The following DYNC1H1 variants were observed in gnomAD, a reference collection of about 807,000 sequenced individuals.
The protein encoded by DYNC1H1 is dynein cytoplasmic 1 heavy chain 1, also known as cytoplasmic dynein 1 heavy chain 1.
In DYNC1H1, 51 loss-of-function variants were observed where a neutral mutation model predicts 527.1. That is an observed-to-expected ratio of 0.10 (90% CI 0.08 to 0.12). The LOEUF (loss-of-function observed/expected upper bound fraction) is 0.12. Ranked by LOEUF, DYNC1H1 falls within the 10% of genes least tolerant of loss-of-function variation. The pLI is 1.00. For missense variants in DYNC1H1, 2,771 were observed against 5,971.8 expected, an observed-to-expected ratio of 0.46 and a Z score of 17.66; for synonymous variants, 2,189 against 2,278.8, an observed-to-expected ratio of 0.96 and a Z score of 1.12.
chr14:102,011,189 C>G lies in DYNC1H1; in HGVS notation c.6618+237C>G, dbSNP rs1232570691. On this transcript the variant is annotated intron_variant, in intron 32 of 77. Coordinates refer to ENST00000360184, the MANE Select transcript of DYNC1H1 (RefSeq NM_001376.5). The surrounding 1 kb of genome is among the most constrained non-coding windows in gnomAD (Gnocchi z 5.3). The stretch of plus-strand genomic sequence containing the variant: ...TGATACAGTTCAATTTCTGAAAATG[C>G]TAAGTGCATGACTATATTGGAAAGT... 1 of 569,648 alleles carries G rather than the reference C, an allele frequency of 1.8e-6. No homozygotes were observed. The highest frequency in any genetic ancestry group is 3.2e-6 in the Non-Finnish European group (1 of 316,708). The allele number at this position is 569,648 out of a possible 1,614,324, so 35.3% of individuals were successfully genotyped here.
In DYNC1H1 at chr14:102,056,290, C is replaced by G. The variant is rs987379504; in HGVS notation, c.*5727C>G. 12 of 152,226 alleles carry G rather than the reference C, an allele frequency of 7.9e-5. No homozygotes were observed. In the East Asian group the frequency reaches 2.3e-3, roughly 29 times the overall value. 9.4% of individuals were successfully genotyped at this position (152,226 alleles called of 1,614,324 possible). ...AGTGCATGAAACCCCTGTCACGTAT[C>G]CCCCAGACTGCTCAATCAATCACGA... is the stretch of plus-strand genomic sequence containing the variant. On this transcript the variant is annotated 3_prime_UTR_variant, in exon 78 of 78. Coordinates refer to ENST00000360184, the MANE Select transcript of DYNC1H1 (RefSeq NM_001376.5).
At chr14:102,004,404 G>T (rs1006114005) in intron 23 of DYNC1H1, 114 bp from the exon 24 acceptor site, 115 of 1,239,600 alleles carry the variant, frequency 9.3e-5, no homozygotes, top group Non-Finnish European at 1.2e-4. Context: ...TTGGGCTGGA[G>T]ATTGCCACCA....
At chr14:102,030,579 C>T (rs958873643) in intron 51 of DYNC1H1, 9 of 372,562 alleles carry the variant, frequency 2.4e-5, no homozygotes, top group Non-Finnish European at 4.0e-5. Context: ...TTGATAATTA[C>T]GTAAGTATGC....
intron 18 of DYNC1H1, 51 bp from the exon 19 acceptor site, chr14:102,000,903 A>G (rs2048123560): frequency 6.6e-7 from 1 of 1,521,022 alleles, no homozygotes; most frequent in African/African-American, 1.4e-5. Flanking sequence ...ATATTTCACC[A>G]TTTAAAGAAA....
chr14:101,982,036 GAGGCC>G (rs2047871881), intron 5 of DYNC1H1, among the ~76,000 whole-genome samples: 1 of 152,206 alleles, frequency 6.6e-6, no homozygotes, highest in Non-Finnish European at 1.5e-5. Flanking sequence ...TGTGCAGAAG[GAGGCC>G]AGCAGCGGCG....
At chr14:101,990,191 GT>G (rs1281686317) in intron 10 of DYNC1H1, among the ~76,000 whole-genome samples, 3 of 152,196 alleles carry the variant, frequency 2.0e-5, no homozygotes, top group African/African-American at 7.2e-5. Context: ...TGGAATTCTT[GT>G]TGAGTGTAAA....
At chr14:102,047,641 G>GTGTGTGTGTGTGTGTATATATATATA in intron 72 of DYNC1H1, 176 bp from the exon 73 acceptor site, 27 of 316,756 alleles carry the variant, frequency 8.5e-5, no homozygotes, top group Admixed American at 5.1e-4. Flanking sequence ...GTGTGTGTGT[G>GTGTGTGTGTGTGTGTATATATATATA]TATATATATA....
intron 15 of DYNC1H1, 45 bp downstream of exon 15, chr14:101,995,345 C>T (rs1017950644): frequency 6.2e-7 from 1 of 1,611,336 alleles, no homozygotes; most frequent in Non-Finnish European, 8.5e-7. Context: ...GGCGTGGTGG[C>T]TCACGCCTGT....
At position 102,044,289 on chromosome 14, in the gene DYNC1H1, T is replaced by C. The variant is rs926098587; in HGVS notation, c.12700T>C (p.Ser4234Pro). Residue 4234 changes from serine to proline, a missense_variant, in exon 71 of 78, where the codon TCA (serine) becomes CCA (proline). By Grantham distance (74) the Ser-to-Pro change is moderately conservative (BLOSUM62 -1). Around this residue, in one of 32 missense-constraint regions of DYNC1H1, gnomAD observed 195 missense variants for 428.6 expected, o/e 0.45. Coordinates refer to ENST00000360184, the MANE Select transcript of DYNC1H1 (RefSeq NM_001376.5). This position sits in a 1 kb window ranked among gnomAD's most constrained non-coding sequence, Gnocchi z 7.1. ...CCTCCCCCAGGGCAGGCAGAACATC[T>C]CACCGGATAAGATCCCGTGGTCTGC... ...DDTAKGRQNI[S>P]PDKIPWSALK... The C allele has an allele frequency of 1.2e-6, 2 of 1,614,002 alleles. No homozygotes were observed. The highest frequency in any genetic ancestry group is 1.3e-5 in the African/African-American group (1 of 75,006).
At chr14:101,975,919 T>A in intron 2 of DYNC1H1, 120 bp downstream of exon 2, 2 of 870,178 alleles carry the variant, frequency 2.3e-6, no homozygotes, top group East Asian at 5.8e-5. Context: ...TCTTTTTTTT[T>A]TTTTTGAGAC....
chr14:102,034,155 C>G lies in DYNC1H1; in HGVS notation c.10593C>G (p.Thr3531=). 6.2e-7 allele frequency: 1 copy of G among 1,614,170 alleles called. No individual in the cohort carries two copies. Among genetic ancestry groups the G allele is most frequent in the Non-Finnish European group, 8.5e-7 (1 of 1,180,050 alleles). Residue 3531 remains threonine, a synonymous_variant, in exon 55 of 78, where the codon ACC becomes ACG. Transcript: ENST00000360184. ...DQQMRQNLFT[T]WSHHLQQANI... The stretch of plus-strand genomic sequence containing the variant: ...AGATGCGTCAGAACTTGTTCACTAC[C>G]TGGTCCCATCACCTACAGCAAGCCA...
At chr14:102,030,393 G>T in intron 51 of DYNC1H1, 111 bp downstream of exon 51, 1 of 1,545,580 alleles carries the variant, frequency 6.5e-7, no homozygotes, top group Non-Finnish European at 8.8e-7. Context: ...AAAGGTTCTG[G>T]TTTCCAAAAA....
Position 102,017,064 on chromosome 14 carries a change from T to C in DYNC1H1, c.7849-24T>C. ...TGAGCATGGGGTTGGTCTTACAGTGTGGTTTTGTGTCTTCCCTCCAAAGGT... is the reference window on the plus strand; with the variant it reads ...TGAGCATGGGGTTGGTCTTACAGTGCGGTTTTGTGTCTTCCCTCCAAAGGT... On this transcript the variant is annotated intron_variant, in intron 38 of 77. Transcript: ENST00000360184. This position sits in a 1 kb window ranked among gnomAD's most constrained non-coding sequence, Gnocchi z 4.6. The C allele has an allele frequency of 6.2e-7, 1 of 1,614,240 alleles. No individual in the cohort carries two copies. The highest frequency in any genetic ancestry group is 1.3e-5 in the African/African-American group (1 of 75,060).
intron 2 of DYNC1H1, among the ~76,000 whole-genome samples, chr14:101,976,281 G>A (rs905240436): frequency 7.9e-5 from 12 of 151,022 alleles, no homozygotes; most frequent in Non-Finnish European, 1.2e-4. Context: ...GGTGGCTCAC[G>A]CCTGTAATCC....
At position 102,009,788 on chromosome 14, in the gene DYNC1H1, A is replaced by G. The variant is rs1417028776; in HGVS notation, c.5978-55A>G. The G allele has an allele frequency of 8.1e-6, 13 of 1,595,118 alleles. 1 individual carries two copies. The highest frequency in any genetic ancestry group is 3.4e-4 in the Middle Eastern group (2 of 5,954). The stretch of plus-strand genomic sequence containing the variant: ...TTGTTTTAGAGACATTTTAGAATGC[A>G]TTTTGTTTTTTTTTTTTAACATTTC... On this transcript the variant is annotated intron_variant, in intron 29 of 77. Coordinates refer to ENST00000360184, the MANE Select transcript of DYNC1H1 (RefSeq NM_001376.5).
At position 102,011,432 on chromosome 14, in the gene DYNC1H1, T is replaced by C; in HGVS notation, c.6619-443T>C. ...CACATAGCTCATCCATTGGGTCTCTTGTTGTCCTCGGCGGGATCTGATGTG... is the reference window on the plus strand; with the variant it reads ...CACATAGCTCATCCATTGGGTCTCTCGTTGTCCTCGGCGGGATCTGATGTG... On this transcript the variant is annotated intron_variant, in intron 32 of 77. Transcript: ENST00000360184. This position sits in a 1 kb window ranked among gnomAD's most constrained non-coding sequence, Gnocchi z 5.3. The C allele has an allele frequency of 2.9e-6, 1 of 342,908 alleles. No homozygotes were observed. Among genetic ancestry groups the C allele is most frequent in the South Asian group, 2.4e-5 (1 of 42,138 alleles). The allele number at this position is 342,908 out of a possible 1,614,324, so 21.2% of individuals were successfully genotyped here. A position where few individuals can be genotyped will look rare whatever the true frequency, so the allele number is the denominator to read the frequency against.
Position 102,038,975 on chromosome 14 carries a change from A to G in DYNC1H1, c.11207-26A>G. The G allele has an allele frequency of 6.2e-7, 1 of 1,613,986 alleles. No individual in the cohort carries two copies. The highest frequency in any genetic ancestry group is 8.5e-7 in the Non-Finnish European group (1 of 1,180,040). ...GCATACCTTTTGAAGGATTATTGCA[A>G]ACTCTGGATGTTTTATTCATTTAAG... is the stretch of plus-strand genomic sequence containing the variant. On this transcript the variant is annotated intron_variant, in intron 59 of 77. Transcript: ENST00000360184. The surrounding 1 kb of genome is among the most constrained non-coding windows in gnomAD (Gnocchi z 7.2).
Position 102,041,386 on chromosome 14 carries a change from G to T in DYNC1H1, c.11942-188G>T. 1 of 853,496 alleles carries T rather than the reference G, an allele frequency of 1.2e-6. No homozygotes were observed. The highest frequency in any genetic ancestry group is 1.9e-6 in the Non-Finnish European group (1 of 523,610). The allele number at this position is 853,496 out of a possible 1,614,324, so 52.9% of individuals were successfully genotyped here. On this transcript the variant is annotated intron_variant, in intron 64 of 77. Transcript: ENST00000360184. This position sits in a 1 kb window ranked among gnomAD's most constrained non-coding sequence, Gnocchi z 4.5. ...TATGGATACATCCAGGTAGTAAGGT[G>T]TTCTCACAGGCGTGTCCAGAGGGCT...
rs2152603908 is a variant in DYNC1H1, at chr14:102,056,302, T to C, written c.*5739T>C. ...CCCTGTCACGTATCCCCCAGACTGC[T>C]CAATCAATCACGACCCTTTCACGTA... On this transcript the variant is annotated 3_prime_UTR_variant, in exon 78 of 78. Transcript: ENST00000360184. The C allele has an allele frequency of 6.6e-6, 1 of 152,296 alleles. No individual in the cohort carries two copies. Among genetic ancestry groups the C allele is most frequent in the African/African-American group, 2.4e-5 (1 of 41,564 alleles). The allele number at this position is 152,296 out of a possible 1,614,324, so 9.4% of individuals were successfully genotyped here.
Sources: allele counts gnomAD v4.1 joint callset (sites outside exome capture counted in the v4.1 genomes callset), GRCh38; gene constraint gnomAD v4.1.1; regional missense constraint gnomAD v4.1.1; non-coding constraint Gnocchi (gnomAD v3.1); transcripts MANE v1.5; gene names NCBI Gene and HGNC (gene_info 2026-07-23, HGNC 2026-07-21).